Variants in TMEM131L observed in about 807,000 individuals in gnomAD.
TMEM131L encodes the protein transmembrane protein 131-like.
A neutral mutation model predicts 192.2 loss-of-function variants in TMEM131L; 54 were observed. The observed-to-expected ratio is 0.28, with a 90% CI of 0.23 to 0.35. TMEM131L has a LOEUF of 0.35. Ranked by LOEUF, TMEM131L falls within the 10% of genes least tolerant of loss-of-function variation. The pLI is 1.00. For synonymous variants in TMEM131L, 701 were observed against 704.9 expected (o/e 0.99, Z 0.09); for missense variants, 1,888 against 1,972.9 (o/e 0.96, Z 0.82).
intron 7 of TMEM131L, among the ~76,000 whole-genome samples, chr4:153,577,547 G>A (rs1428694400): frequency 6.6e-6 from 1 of 152,192 alleles, no homozygotes; most frequent in Non-Finnish European, 1.5e-5. Flanking sequence ...AGTCCATAAA[G>A]GAACGGGCAT....
chr4:153,576,104 C>T (rs546329130), intron 7 of TMEM131L, among the ~76,000 whole-genome samples: 107 of 152,074 alleles, frequency 7.0e-4, no homozygotes, highest in Admixed American at 2.7e-3. Context: ...GGACTACAGG[C>T]GCCCGCCACC....
chr4:153,499,661 G>A (rs1284803725), intron 3 of TMEM131L, among the ~76,000 whole-genome samples: 1 of 152,100 alleles, frequency 6.6e-6, no homozygotes, highest in Non-Finnish European at 1.5e-5. Flanking sequence ...TCTTGACCTC[G>A]TGATCTGTCC....
intron 10 of TMEM131L, 44 bp from the exon 11 acceptor site, chr4:153,583,520 C>A: frequency 1.6e-6 from 2 of 1,275,168 alleles, no homozygotes; most frequent in Non-Finnish European, 2.3e-6. Flanking sequence ...GATAAATACT[C>A]TCCCAGCTGA....
intron 5 of TMEM131L, among the ~76,000 whole-genome samples, chr4:153,556,415 GT>G (rs1365406036): frequency 6.6e-6 from 1 of 152,102 alleles, no homozygotes; most frequent in Non-Finnish European, 1.5e-5. Context: ...TCTTCTAATA[GT>G]TTTAATTTCA....
rs527820138 is a variant in TMEM131L, at chr4:153,589,845, A to G, written c.1670+838A>G. On this transcript the variant is annotated intron_variant, in intron 16 of 34. Transcript: ENST00000409959. ...TTTATCACTTTTGCTTTATTTCTCT[A>G]TGTGTACACACACACATAGAAACAC... is the stretch of plus-strand genomic sequence containing the variant. 1.3e-4 allele frequency among the ~76,000 whole-genome samples: 20 copies of G among 152,226 alleles called. No individual in the cohort carries two copies. The South Asian group carries it at 2.9e-3, about 22-fold the overall frequency.
At chr4:153,619,324 A>C (rs1733222982) in intron 26 of TMEM131L, among the ~76,000 whole-genome samples, 1 of 152,236 alleles carries the variant, frequency 6.6e-6, no homozygotes, top group African/African-American at 2.4e-5. Flanking sequence ...TTAGAAAGAC[A>C]CAAAGGAACA....
intron 3 of TMEM131L, among the ~76,000 whole-genome samples, chr4:153,487,929 G>C (rs969260604): frequency 2.6e-5 from 4 of 151,482 alleles, no homozygotes; most frequent in African/African-American, 7.3e-5. Flanking sequence ...TTGTGAGTGC[G>C]AGAGAGCAGA....
intron 7 of TMEM131L, among the ~76,000 whole-genome samples, chr4:153,573,821 TAA>T (rs1215011283): frequency 6.6e-6 from 1 of 152,212 alleles, no homozygotes; most frequent in Non-Finnish European, 1.5e-5. Context: ...AGGAGTGTGG[TAA>T]AGAGTTATCT....
At position 153,484,569 on chromosome 4, in the gene TMEM131L, T is replaced by C. The variant is rs927135348; in HGVS notation, c.239+10681T>C. ...CTGCAAGCTCTGCCTCCCGGGTTCA[T>C]GCCATTCTCCTGCCTCAGCCTCCCG... On this transcript the variant is annotated intron_variant, in intron 3 of 34. Coordinates refer to ENST00000409959, the MANE Select transcript of TMEM131L (RefSeq NM_001131007.2). Among the ~76,000 whole-genome samples the C allele has an allele frequency of 3.3e-5, 5 of 150,792 alleles. No homozygotes were observed. The South Asian group carries it at 6.3e-4, about 19-fold the overall frequency.
At chr4:153,562,330 C>G (rs1391917167) in intron 7 of TMEM131L, among the ~76,000 whole-genome samples, 4 of 152,128 alleles carry the variant, frequency 2.6e-5, no homozygotes, top group African/African-American at 9.7e-5. Context: ...GCCACCGCAC[C>G]CAGCCTAAAG....
rs556687038 is a variant in TMEM131L at position 153,596,504 on chromosome 4, C to T, written c.2123+119C>T. On this transcript the variant is annotated intron_variant, in intron 20 of 34. Coordinates refer to ENST00000409959, the MANE Select transcript of TMEM131L (RefSeq NM_001131007.2). ...GACCTTCAGGATGAAGGCTGTGTTG[C>T]GGGGTAGGAAGAAGTGGAAGCTGAG... 72 of 1,259,528 alleles carry T rather than the reference C, an allele frequency of 5.7e-5. No homozygotes were observed. The African/African-American group carries it at 5.9e-4, about 10-fold the overall frequency. The allele number at this position is 1,259,528 out of a possible 1,614,324, so 78.0% of individuals were successfully genotyped here.
chr4:153,558,623 C>A (rs1459464628), intron 7 of TMEM131L: 1 of 241,578 alleles, frequency 4.1e-6, no homozygotes, highest in African/African-American at 2.2e-5. Context: ...TACCGTTAGG[C>A]CATATACCTA....
chr4:153,528,695 C>T (rs540472205), intron 3 of TMEM131L, among the ~76,000 whole-genome samples: 21 of 152,250 alleles, frequency 1.4e-4, no homozygotes, highest in African/African-American at 5.1e-4. Flanking sequence ...GTTGCTGTTC[C>T]ACAAGCAAAG....
intron 7 of TMEM131L, among the ~76,000 whole-genome samples, chr4:153,568,557 C>T (rs919666818): frequency 6.6e-6 from 1 of 152,082 alleles, no homozygotes; most frequent in African/African-American, 2.4e-5. Context: ...TAGATTTAAC[C>T]CCTTAAGAGC....
At chr4:153,470,992 CTTTTT>C (rs111875692) in intron 2 of TMEM131L, among the ~76,000 whole-genome samples, 34 of 146,342 alleles carry the variant, frequency 2.3e-4, no homozygotes, top group African/African-American at 7.8e-4. Context: ...TGTTTGTTTT[CTTTTT>C]TTTTTTTGAG....
In TMEM131L at chr4:153,598,781, T is replaced by C; in HGVS notation, c.2266+49T>C. 3 of 1,427,506 alleles carry C rather than the reference T, an allele frequency of 2.1e-6. 1 individual carries two copies. The South Asian group carries it at 4.9e-5, about 23-fold the overall frequency. The allele number at this position is 1,427,506 out of a possible 1,614,324, so 88.4% of individuals were successfully genotyped here. On this transcript the variant is annotated intron_variant, in intron 21 of 34. Coordinates refer to ENST00000409959, the MANE Select transcript of TMEM131L (RefSeq NM_001131007.2). ...TGACAGGGGAGGTTGGCATTAAAGC[T>C]GAGAGTGAAAGGATTCTATAAATTC...
At chr4:153,491,941 AG>A (rs1732815401) in intron 3 of TMEM131L, among the ~76,000 whole-genome samples, 2 of 152,244 alleles carry the variant, frequency 1.3e-5, no homozygotes, top group South Asian at 4.1e-4. Context: ...CCTAAGCTCA[AG>A]TGATCCACCC....
chr4:153,584,527 G>T (rs1730574354), intron 11 of TMEM131L, among the ~76,000 whole-genome samples: 1 of 152,124 alleles, frequency 6.6e-6, no homozygotes, highest in Admixed American at 6.5e-5. Context: ...GCTCCCTTTT[G>T]CTCTTTAGGT....
chr4:153,534,726 C>T (rs1194670004), intron 3 of TMEM131L, among the ~76,000 whole-genome samples: 1 of 152,182 alleles, frequency 6.6e-6, no homozygotes, highest in African/African-American at 2.4e-5. Flanking sequence ...AGCCACGGCG[C>T]CTGGCCAGGA....
Sources: allele counts gnomAD v4.1 joint callset (sites outside exome capture counted in the v4.1 genomes callset), GRCh38; gene constraint gnomAD v4.1.1; transcripts MANE v1.5; gene names NCBI Gene and HGNC (gene_info 2026-07-23, HGNC 2026-07-21).